The following TESC variants were observed in gnomAD, a reference collection of about 807,000 sequenced individuals.
TESC encodes tescalcin, also known as calcineurin B homologous protein 3.
Under a neutral mutation model 31.0 loss-of-function variants are expected in TESC, and 19 were observed. That is an observed-to-expected ratio of 0.61 (90% CI 0.43 to 0.90). The LOEUF (loss-of-function observed/expected upper bound fraction) is 0.90. Among genes scored for constraint, TESC ranks in the 40% least tolerant of loss-of-function variants. The probability of loss-of-function intolerance (pLI) is 0.00; values close to 1 mark genes in which losing one functional copy is unlikely to be tolerated. For synonymous variants in TESC, 109 were observed against 114.8 expected (o/e 0.95, Z 0.32); for missense variants, 248 against 303.8 (o/e 0.82, Z 1.36).
chr12:117,039,492 CAAGGCAT>C (rs1026694630), intron 7 of TESC, among the ~76,000 whole-genome samples: 1 of 152,176 alleles, frequency 6.6e-6, no homozygotes, highest in Non-Finnish European at 1.5e-5. Context: ...CTCTTAGCTC[CAAGGCAT>C]TTGAATCTCA....
chr12:117,040,561 T>G (rs1954467364), intron 7 of TESC, among the ~76,000 whole-genome samples: 1 of 145,374 alleles, frequency 6.9e-6, no homozygotes, highest in South Asian at 2.4e-4. Flanking sequence ...CTTCTAGCTC[T>G]TCATTCTGTT....
chr12:117,076,469 G>C (rs1221126743), intron 1 of TESC, among the ~76,000 whole-genome samples: 1 of 152,182 alleles, frequency 6.6e-6, no homozygotes, highest in East Asian at 1.9e-4. Context: ...TTTTGAGACA[G>C]AGTCACACTC....
chr12:117,076,970 C>T (rs373262502), intron 1 of TESC, among the ~76,000 whole-genome samples: 201 of 152,266 alleles, frequency 1.3e-3, no homozygotes, highest in African/African-American at 4.5e-3. Flanking sequence ...TTCCAAAACA[C>T]GGGCTGGACT....
intron 2 of TESC, 46 bp from the exon 3 acceptor site, chr12:117,056,932 T>C (rs773663411): frequency 2.8e-5 from 44 of 1,595,456 alleles, no homozygotes; most frequent in East Asian, 6.7e-5. Flanking sequence ...TAAGGAAAGA[T>C]AGCAGACGTC....
At chr12:117,084,206 T>C (rs868720706) in intron 1 of TESC, 1 of 152,194 alleles carries the variant, frequency 6.6e-6, no homozygotes, top group Non-Finnish European at 1.5e-5. Flanking sequence ...CAGCTGTGAA[T>C]TAGGTGTCAA....
At chr12:117,048,213 G>A (rs774542895) in intron 4 of TESC, among the ~76,000 whole-genome samples, 4 of 152,172 alleles carry the variant, frequency 2.6e-5, no homozygotes, top group Admixed American at 6.5e-5. Flanking sequence ...ACCACTAAGG[G>A]ACAGGAAACC....
intron 2 of TESC, among the ~76,000 whole-genome samples, chr12:117,072,061 T>G (rs1372030834): frequency 5.9e-5 from 9 of 152,136 alleles, no homozygotes; most frequent in Non-Finnish European, 1.3e-4. Flanking sequence ...AAGCTTATGA[T>G]GGGGTGCTAG....
chr12:117,047,968 T>A lies in TESC; in HGVS notation c.349+1051A>T, dbSNP rs117991936. 6.2e-3 allele frequency among the ~76,000 whole-genome samples: 949 copies of A among 152,190 alleles called. 12 individuals are homozygous for A. The highest frequency in any genetic ancestry group is 8.0e-3 in the Non-Finnish European group (542 of 68,016). On this transcript the variant is annotated intron_variant, in intron 4 of 7. Transcript: ENST00000335209. ...CTGCTGCCCAGGCTGAGCCCTGAAC[T>A]CGTGGCTTCAAGTTATCCTCCCCAC...
intron 3 of TESC, 92 bp downstream of exon 3, chr12:117,056,714 G>T: frequency 2.8e-6 from 4 of 1,408,096 alleles, no homozygotes; most frequent in South Asian, 1.2e-5. Flanking sequence ...CTGGGCATCA[G>T]CTCAAAGGGT....
At chr12:117,076,529 C>G (rs1483351349) in intron 1 of TESC, among the ~76,000 whole-genome samples, 1 of 152,028 alleles carries the variant, frequency 6.6e-6, no homozygotes, top group Non-Finnish European at 1.5e-5. Context: ...ATTGCCACCT[C>G]TGCCTCCGTG....
chr12:117,049,496 C>T (rs945051021), intron 3 of TESC, among the ~76,000 whole-genome samples: 1 of 152,204 alleles, frequency 6.6e-6, no homozygotes, highest in African/African-American at 2.4e-5. Context: ...CCAAGCAATC[C>T]AGTAACTCAC....
chr12:117,063,691 C>A (rs1404364911), intron 2 of TESC, among the ~76,000 whole-genome samples: 5 of 152,198 alleles, frequency 3.3e-5, no homozygotes, highest in African/African-American at 1.2e-4. Context: ...GGGCTGCCTG[C>A]CCAATGTCCC....
chr12:117,076,611 T>C (rs773472621), intron 1 of TESC, among the ~76,000 whole-genome samples: 29 of 152,196 alleles, frequency 1.9e-4, no homozygotes, highest in Non-Finnish European at 3.5e-4. Flanking sequence ...GCCCAGCTAA[T>C]TTTTATACGT....
At chr12:117,057,859 A>AT in intron 2 of TESC, among the ~76,000 whole-genome samples, 1 of 152,242 alleles carries the variant, frequency 6.6e-6, no homozygotes, top group South Asian at 2.1e-4. Flanking sequence ...ACAATGGAGT[A>AT]TTTTTTAGCC....
chr12:117,070,441 C>A (rs1197913065), intron 2 of TESC, among the ~76,000 whole-genome samples: 1 of 152,108 alleles, frequency 6.6e-6, no homozygotes, highest in Non-Finnish European at 1.5e-5. Flanking sequence ...CTGGGGCTGT[C>A]ACTATGTGCA....
At chr12:117,051,272 T>C (rs1565961102) in intron 3 of TESC, among the ~76,000 whole-genome samples, 1 of 152,214 alleles carries the variant, frequency 6.6e-6, no homozygotes, top group African/African-American at 2.4e-5. Context: ...GCAAATACAC[T>C]AACACCCATA....
intron 4 of TESC, 142 bp downstream of exon 4, chr12:117,048,877 G>T: frequency 7.7e-7 from 1 of 1,305,058 alleles, no homozygotes; most frequent in Non-Finnish European, 1.1e-6. Context: ...TCACAGGGAC[G>T]AGGGCTGGTG....
Position 117,099,319 on chromosome 12 carries a change from C to T in TESC, c.-37G>A. On this transcript the variant is annotated 5_prime_UTR_variant, in exon 1 of 8. Transcript: ENST00000335209. ...CGGGGGCCCCGGGGCGCGCGTCCCTCTCAGGCCCCGCACTGGCTTCGGCTG... is the reference window on the plus strand; with the variant it reads ...CGGGGGCCCCGGGGCGCGCGTCCCTTTCAGGCCCCGCACTGGCTTCGGCTG... The T allele has an allele frequency of 7.1e-7, 1 of 1,414,514 alleles. No homozygotes were observed. The highest frequency in any genetic ancestry group is 9.2e-7 in the Non-Finnish European group (1 of 1,089,270). The allele number at this position is 1,414,514 out of a possible 1,614,324, so 87.6% of individuals were successfully genotyped here.
intron 1 of TESC, among the ~76,000 whole-genome samples, chr12:117,078,428 T>C (rs1198015658): frequency 1.3e-5 from 2 of 152,186 alleles, no homozygotes; most frequent in East Asian, 1.9e-4. Flanking sequence ...ATCGCACCAC[T>C]GCACTCCAGC....
Sources: gnomAD v4.1 joint callset for allele counts (sites outside exome capture counted in the v4.1 genomes callset) on GRCh38, gnomAD v4.1.1 for gene constraint, MANE v1.5 for transcripts, NCBI Gene and HGNC (gene_info 2026-07-23, HGNC 2026-07-21) for gene names.